Variants in MRTFA observed in about 807,000 individuals in gnomAD.
MRTFA encodes myocardin-related transcription factor A.
Under a neutral mutation model 83.5 loss-of-function variants are expected in MRTFA, and 20 were observed. That is an observed-to-expected ratio of 0.24 (90% CI 0.17 to 0.35). MRTFA has a LOEUF of 0.35. Among genes scored for constraint, MRTFA ranks in the 10% least tolerant of loss-of-function variants. MRTFA has a pLI of 1.00. For missense variants in MRTFA, 1,200 were observed against 1,224.7 expected (o/e 0.98, Z 0.30); for synonymous variants, 659 against 541.2 (o/e 1.22, Z -3.02).
rs567891015 is a variant in MRTFA, at chr22:40,410,463, G to T, written c.*927C>A. 6 of 233,110 alleles carry T rather than the reference G, an allele frequency of 2.6e-5. No homozygotes were observed. Among genetic ancestry groups the T allele is most frequent in the African/African-American group, 1.1e-4 (5 of 45,270 alleles). 14.4% of individuals were successfully genotyped at this position (233,110 alleles called of 1,614,324 possible). The stretch of plus-strand genomic sequence containing the variant: ...CCCACCGCAGGGTGAAGCTGGGCCC[G>T]AAGCTCCTCCTGTCCTAGGGCCACG... On this transcript the variant is annotated 3_prime_UTR_variant, in exon 15 of 15. Coordinates refer to ENST00000355630, the MANE Select transcript of MRTFA (RefSeq NM_020831.6).
intron 3 of MRTFA, among the ~76,000 whole-genome samples, chr22:40,508,296 G>C (rs1472715372): frequency 6.6e-6 from 1 of 151,876 alleles, no homozygotes; most frequent in Non-Finnish European, 1.5e-5. Flanking sequence ...GATCATTTGA[G>C]GTCAGGAGTT....
At chr22:40,606,418 T>C (rs756913685) in intron 1 of MRTFA, among the ~76,000 whole-genome samples, 3 of 152,206 alleles carry the variant, frequency 2.0e-5, no homozygotes, top group Non-Finnish European at 2.9e-5. Context: ...GAGCTTTACA[T>C]ATATTTCACT....
chr22:40,447,592 GAAGA>G (rs1180008449), intron 4 of MRTFA, among the ~76,000 whole-genome samples: 1 of 152,160 alleles, frequency 6.6e-6, no homozygotes, highest in Non-Finnish European at 1.5e-5. Context: ...ACTATAATGA[GAAGA>G]AATAAAGTAG....
At chr22:40,449,256 G>C (rs534339854) in intron 4 of MRTFA, among the ~76,000 whole-genome samples, 13 of 140,102 alleles carry the variant, frequency 9.3e-5, no homozygotes, top group South Asian at 6.8e-4. Flanking sequence ...GACAGAACGA[G>C]ACTCGGTCTC....
intron 3 of MRTFA, among the ~76,000 whole-genome samples, chr22:40,463,787 A>T (rs2053760480): frequency 6.6e-6 from 1 of 152,176 alleles, no homozygotes; most frequent in African/African-American, 2.4e-5. Flanking sequence ...CATTTCACCA[A>T]GCAATGCCTT....
intron 2 of MRTFA, among the ~76,000 whole-genome samples, chr22:40,553,386 T>G (rs956854379): frequency 6.6e-6 from 1 of 152,120 alleles, no homozygotes; most frequent in Non-Finnish European, 1.5e-5. Context: ...AAAAATGGTT[T>G]CATGGGCCCA....
Position 40,604,583 on chromosome 22 carries a change from CT to C in MRTFA, c.-83-9849del, listed in dbSNP as rs1479013886. Among the ~76,000 whole-genome samples the C allele has an allele frequency of 8.6e-5, 13 of 151,922 alleles. No homozygotes were observed. In the East Asian group the frequency reaches 2.6e-3, roughly 30 times the overall value. On this transcript the variant is annotated intron_variant, in intron 1 of 14. Transcript: ENST00000355630. ...CCAACATGGTGAAACCTCGTCTCTACTAAAAATACAAAAATTAGCCGGGCGT... is the reference window on the plus strand; with the variant it reads ...CCAACATGGTGAAACCTCGTCTCTACAAAAATACAAAAATTAGCCGGGCGT...
chr22:40,466,861 C>T (rs1028299958), intron 3 of MRTFA, among the ~76,000 whole-genome samples: 2 of 151,516 alleles, frequency 1.3e-5, no homozygotes, highest in African/African-American at 4.8e-5. Context: ...TTTATGAAAG[C>T]TAACACATTT....
At chr22:40,437,797 T>A in intron 4 of MRTFA, among the ~76,000 whole-genome samples, 1 of 151,774 alleles carries the variant, frequency 6.6e-6, no homozygotes, top group East Asian at 1.9e-4. Context: ...ACTACATACT[T>A]TTCTTGTTTA....
chr22:40,623,944 C>A (rs6001982), intron 1 of MRTFA, among the ~76,000 whole-genome samples: 15,295 of 152,078 alleles, frequency 0.1, 925 homozygotes, highest in East Asian at 0.25. Context: ...CTACAAAAAA[C>A]CTTAAAATTA....
intron 3 of MRTFA, among the ~76,000 whole-genome samples, chr22:40,548,301 G>A (rs1002436054): frequency 2.9e-5 from 4 of 139,904 alleles, no homozygotes; most frequent in East Asian, 2.2e-4. Flanking sequence ...AGAGCTTGCC[G>A]TGAGCCGAGA....
chr22:40,428,266 G>A (rs1487839653), intron 7 of MRTFA, among the ~76,000 whole-genome samples: 1 of 152,196 alleles, frequency 6.6e-6, no homozygotes, highest in Non-Finnish European at 1.5e-5. Context: ...TCCTCAACCT[G>A]TGGGATCAGA....
chr22:40,473,165 TTTTA>T (rs1429546835), intron 3 of MRTFA, among the ~76,000 whole-genome samples: 1 of 152,132 alleles, frequency 6.6e-6, no homozygotes, highest in African/African-American at 2.4e-5. Flanking sequence ...ATTAACTGGT[TTTTA>T]TTTTATTTGA....
chr22:40,530,274 A>C (rs1011253304), intron 3 of MRTFA, among the ~76,000 whole-genome samples: 1 of 152,134 alleles, frequency 6.6e-6, no homozygotes, highest in Non-Finnish European at 1.5e-5. Flanking sequence ...GAAATTCCAT[A>C]ATGTCCATCT....
intron 3 of MRTFA, among the ~76,000 whole-genome samples, chr22:40,484,812 CCTGTAAT>C (rs1232869950): frequency 2.6e-5 from 4 of 151,864 alleles, no homozygotes. Flanking sequence ...GTGGCTCACA[CCTGTAAT>C]CCCAGCACTT....
intron 3 of MRTFA, among the ~76,000 whole-genome samples, chr22:40,486,665 C>G (rs2054179307): frequency 1.3e-5 from 2 of 152,196 alleles, no homozygotes; most frequent in African/African-American, 4.8e-5. Flanking sequence ...ACGGTTGGCT[C>G]ATTACGAACA....
intron 4 of MRTFA, among the ~76,000 whole-genome samples, chr22:40,448,477 T>TA (rs2053425629): frequency 1.3e-5 from 2 of 152,038 alleles, no homozygotes; most frequent in African/African-American, 4.8e-5. Context: ...TGTCTCTAAA[T>TA]AAAAAACCCC....
intron 3 of MRTFA, among the ~76,000 whole-genome samples, chr22:40,518,818 A>G (rs1302124753): frequency 6.6e-6 from 1 of 150,950 alleles, no homozygotes; most frequent in Non-Finnish European, 1.5e-5. Flanking sequence ...AAAAAAAAAA[A>G]AAACCAGTGT....
In MRTFA at chr22:40,411,775, G is replaced by A. The variant is rs1401930588; in HGVS notation, c.2711C>T (p.Pro904Leu). Residue 904 changes from proline to leucine, a missense_variant, in exon 15 of 15, where the codon CCT (proline) becomes CTT (leucine). Pro to Leu is a moderately conservative substitution (Grantham distance 98). This residue lies in a region of MRTFA where 1,107 missense variants were observed against 1,041.8 expected (regional missense o/e 1.06). Coordinates refer to ENST00000355630, the MANE Select transcript of MRTFA (RefSeq NM_020831.6). The stretch of plus-strand genomic sequence containing the variant: ...TCCAGGGAGGGAGGGTGAGCCTGGA[G>A]GAGGTGGGGCAGCCTGGGGGAGCTC... The A allele has an allele frequency of 6.5e-7, 1 of 1,536,522 alleles. No individual in the cohort carries two copies. The highest frequency in any genetic ancestry group is 8.8e-7 in the Non-Finnish European group (1 of 1,136,278).
Sources: allele counts gnomAD v4.1 joint callset (sites outside exome capture counted in the v4.1 genomes callset), GRCh38; gene constraint gnomAD v4.1.1; regional missense constraint gnomAD v4.1.1; transcripts MANE v1.5; gene names NCBI Gene and HGNC (gene_info 2026-07-23, HGNC 2026-07-21).